NIBAN1: variants seen among roughly 807,000 people sequenced by gnomAD.
NIBAN1 encodes the protein protein Niban 1.
Under a neutral mutation model 75.1 loss-of-function variants are expected in NIBAN1, and 81 were observed. That is an observed-to-expected ratio of 1.08 (90% CI 0.90 to 1.30). NIBAN1 has a LOEUF of 1.30. Ranked by LOEUF, NIBAN1 falls within the 50% of genes most tolerant of loss-of-function variation. NIBAN1 has a pLI of 0.00. For missense variants in NIBAN1, 1,133 were observed against 1,128.1 expected, an observed-to-expected ratio of 1.00 and a Z score of -0.06; for synonymous variants, 436 against 424.8, an observed-to-expected ratio of 1.03 and a Z score of -0.32.
At position 184,974,441 on chromosome 1, in the gene NIBAN1, C is replaced by T. The variant is rs1461033256; in HGVS notation, c.-85G>A. The T allele has an allele frequency of 4.7e-6, 7 of 1,484,024 alleles. No individual in the cohort carries two copies. In the African/African-American group the frequency reaches 1.0e-4, roughly 21 times the overall value. The allele number at this position is 1,484,024 out of a possible 1,614,324, so 91.9% of individuals were successfully genotyped here. On this transcript the variant is annotated 5_prime_UTR_variant, in exon 1 of 14. Coordinates refer to ENST00000367511, the MANE Select transcript of NIBAN1 (RefSeq NM_052966.4). ...CTGGAGGTTGATCCGACGGCGAACC[C>T]GGCTCTGAAATTAAGAGCAAACTTC...
At position 184,806,060 on chromosome 1, in the gene NIBAN1, G is replaced by A; in HGVS notation, c.1336-4C>T. 1 of 1,612,040 alleles carries A rather than the reference G, an allele frequency of 6.2e-7. No homozygotes were observed. The highest frequency in any genetic ancestry group is 8.5e-7 in the Non-Finnish European group (1 of 1,178,540). On this transcript the variant is annotated splice_polypyrimidine_tract_variant and splice_region_variant and intron_variant, in intron 10 of 13. Transcript: ENST00000367511. Reference sequence around the variant, plus strand: ...TGAACACTGCATTCTCCATTAGCTAGAAACCAGAAGCGACACAGAAACAGA... The same window carrying A: ...TGAACACTGCATTCTCCATTAGCTAAAAACCAGAAGCGACACAGAAACAGA...
chr1:184,886,110 CA>C (rs762375064), intron 4 of NIBAN1, among the ~76,000 whole-genome samples: 19 of 152,072 alleles, frequency 1.2e-4, no homozygotes, highest in Admixed American at 3.9e-4. Flanking sequence ...CATGCTTTCC[CA>C]TAAAAAAATT....
chr1:184,806,131 G>C, intron 10 of NIBAN1, 75 bp from the exon 11 acceptor site: 2 of 1,199,784 alleles, frequency 1.7e-6, no homozygotes, highest in Admixed American at 1.9e-5. Flanking sequence ...TGGCTAAGTG[G>C]GACTGCAGAG....
intron 1 of NIBAN1, among the ~76,000 whole-genome samples, chr1:184,913,137 G>GTATATATATATATAT (rs1553227231): frequency 3.6e-5 from 4 of 109,744 alleles, no homozygotes; most frequent in South Asian, 3.1e-4. Context: ...TATCATGCAG[G>GTATATATATATATAT]TATATATATA....
chr1:184,868,975 T>C (rs1435617666), intron 5 of NIBAN1, among the ~76,000 whole-genome samples: 1 of 152,074 alleles, frequency 6.6e-6, no homozygotes, highest in Non-Finnish European at 1.5e-5. Flanking sequence ...GAGGATTAAA[T>C]GAGTTAATAC....
At chr1:184,966,105 C>G (rs988613603) in intron 1 of NIBAN1, among the ~76,000 whole-genome samples, 1 of 152,118 alleles carries the variant, frequency 6.6e-6, no homozygotes, top group Non-Finnish European at 1.5e-5. Flanking sequence ...ATTATAAAAG[C>G]TAGGATTAGT....
At chr1:184,819,919 C>T (rs1393655607) in intron 8 of NIBAN1, among the ~76,000 whole-genome samples, 1 of 152,220 alleles carries the variant, frequency 6.6e-6, no homozygotes, top group Non-Finnish European at 1.5e-5. Flanking sequence ...TGGCCTCGTT[C>T]TTATTTCAAC....
At position 184,806,072 on chromosome 1, in the gene NIBAN1, G is replaced by T. The variant is rs1416593793; in HGVS notation, c.1336-16C>A. ...TCTCCATTAGCTAGAAACCAGAAGC[G>T]ACACAGAAACAGACAACAGTCAGGG... On this transcript the variant is annotated splice_polypyrimidine_tract_variant and intron_variant, in intron 10 of 13. Coordinates refer to ENST00000367511, the MANE Select transcript of NIBAN1 (RefSeq NM_052966.4). 1.9e-6 allele frequency: 3 copies of T among 1,604,932 alleles called. No homozygotes were observed. Among genetic ancestry groups the T allele is most frequent in the African/African-American group, 1.3e-5 (1 of 74,754 alleles).
chr1:184,908,034 G>A (rs1657147871), intron 1 of NIBAN1, among the ~76,000 whole-genome samples: 1 of 152,208 alleles, frequency 6.6e-6, no homozygotes, highest in Non-Finnish European at 1.5e-5. Flanking sequence ...GTAGGGCTCA[G>A]CCAGCAACTG....
At chr1:184,884,584 G>C (rs1656461909) in intron 5 of NIBAN1, 49 bp downstream of exon 5, 1 of 1,605,758 alleles carries the variant, frequency 6.2e-7, no homozygotes, top group African/African-American at 1.3e-5. Context: ...AACTCAGCGA[G>C]GGCTGCCCCA....
intron 1 of NIBAN1, among the ~76,000 whole-genome samples, chr1:184,932,705 C>A (rs1390798004): frequency 6.6e-6 from 1 of 152,092 alleles, no homozygotes; most frequent in Non-Finnish European, 1.5e-5. Flanking sequence ...GTATATTTGA[C>A]TTATTTGACT....
chr1:184,944,328 G>T (rs761843072), intron 1 of NIBAN1, among the ~76,000 whole-genome samples: 11 of 152,186 alleles, frequency 7.2e-5, no homozygotes, highest in Non-Finnish European at 1.5e-4. Context: ...TTATGGGAAT[G>T]ACCACACTGC....
chr1:184,943,707 A>AAAT (rs970819909), intron 1 of NIBAN1, among the ~76,000 whole-genome samples: 12 of 152,054 alleles, frequency 7.9e-5, no homozygotes, highest in African/African-American at 1.2e-4. Flanking sequence ...AAAGAGAAGC[A>AAAT]AATAATAATA....
intron 9 of NIBAN1, among the ~76,000 whole-genome samples, chr1:184,813,793 T>G (rs1379959927): frequency 6.6e-6 from 1 of 152,228 alleles, no homozygotes; most frequent in African/African-American, 2.4e-5. Flanking sequence ...TTGCTGGCTT[T>G]ACAGCTAGCT....
intron 5 of NIBAN1, among the ~76,000 whole-genome samples, chr1:184,878,431 A>G (rs572443289): frequency 6.6e-6 from 1 of 152,350 alleles, no homozygotes; most frequent in Non-Finnish European, 1.5e-5. Context: ...CTTAAATTGC[A>G]TGAAATCATA....
intron 9 of NIBAN1, among the ~76,000 whole-genome samples, chr1:184,814,473 C>T (rs1654471320): frequency 1.3e-5 from 2 of 151,982 alleles, no homozygotes; most frequent in South Asian, 4.1e-4. Flanking sequence ...TTTTTGTTTA[C>T]CTTTTAAGTA....
intron 4 of NIBAN1, among the ~76,000 whole-genome samples, chr1:184,886,892 G>A (rs546260470): frequency 3.3e-5 from 5 of 152,280 alleles, no homozygotes; most frequent in African/African-American, 1.2e-4. Context: ...GGAGGCCAAG[G>A]AGGGTAGATC....
intron 6 of NIBAN1, among the ~76,000 whole-genome samples, chr1:184,831,625 A>G (rs1271054795): frequency 1.3e-5 from 2 of 152,140 alleles, no homozygotes; most frequent in Admixed American, 1.3e-4. Context: ...TGTAGTTGTC[A>G]TGTTTTTGGC....
chr1:184,896,669 G>A (rs1337093846), intron 2 of NIBAN1, among the ~76,000 whole-genome samples: 1 of 152,034 alleles, frequency 6.6e-6, no homozygotes, highest in Non-Finnish European at 1.5e-5. Flanking sequence ...GATTTCTATA[G>A]TTTCAGGACT....
Sources: allele counts gnomAD v4.1 joint callset (sites outside exome capture counted in the v4.1 genomes callset), GRCh38; gene constraint gnomAD v4.1.1; transcripts MANE v1.5; gene names NCBI Gene and HGNC (gene_info 2026-07-23, HGNC 2026-07-21).